The following CFH variants were observed in gnomAD, a reference collection of about 807,000 sequenced individuals.
CFH encodes complement factor H, also known as H factor 1 (complement).
CFH carries 53 observed loss-of-function variants against 147.3 expected under a neutral mutation model. The ratio of observed to expected loss-of-function variants is 0.36; its 90% confidence interval spans 0.29 to 0.45. The LOEUF (loss-of-function observed/expected upper bound fraction) is 0.45. CFH is among the 20% of genes least tolerant of loss of function. The probability of loss-of-function intolerance (pLI) is 1.00; values close to 1 mark genes in which losing one functional copy is unlikely to be tolerated. For missense variants in CFH, 1,380 were observed against 1,498.0 expected (o/e 0.92, Z 1.30); for synonymous variants, 536 against 489.4 (o/e 1.10, Z -1.26).
At chr1:196,727,073 T>G in intron 14 of CFH, 133 bp downstream of exon 14, 2 of 749,204 alleles carry the variant, frequency 2.7e-6, no homozygotes, top group Non-Finnish European at 4.7e-6. Flanking sequence ...AGACCAATCT[T>G]TTGCATATTG....
rs116521612 is a variant in CFH at position 196,686,225 on chromosome 1, C to G, written c.964+988C>G. ...ATGTGTGTGGGGACACAGAGCCAAA[C>G]CATATCAATTATCTACTCACACACT... On this transcript the variant is annotated intron_variant, in intron 7 of 21. Coordinates refer to ENST00000367429, the MANE Select transcript of CFH (RefSeq NM_000186.4). Among the ~76,000 whole-genome samples, 882 of 152,220 alleles carry G rather than the reference C, an allele frequency of 5.8e-3. 10 individuals carry two copies. The highest frequency in any genetic ancestry group is 0.02 in the African/African-American group (833 of 41,558).
rs1205777454 is a variant in CFH at position 196,737,519 on chromosome 1, A to G, written c.2641A>G (p.Ile881Val). 1.9e-6 allele frequency: 3 copies of G among 1,613,388 alleles called. No individual in the cohort carries two copies. Among genetic ancestry groups the G allele is most frequent in the South Asian group, 1.1e-5 (1 of 91,056 alleles). ...SQPPQIEHGT[I>V]NSSRSSQESY... ...ACCACCTCAGATAGAACACGGAACCATTAATTCATCCAGGTCTTCACAAGA... is the reference window on the plus strand; with the variant it reads ...ACCACCTCAGATAGAACACGGAACCGTTAATTCATCCAGGTCTTCACAAGA... Residue 881 changes from isoleucine to valine, a missense_variant, in exon 17 of 22, where the codon ATT becomes GTT. By Grantham distance (29) the Ile-to-Val change is conservative. Coordinates refer to ENST00000367429, the MANE Select transcript of CFH (RefSeq NM_000186.4).
chr1:196,737,254 G>T (rs1327711306), intron 16 of CFH, among the ~76,000 whole-genome samples: 1 of 152,124 alleles, frequency 6.6e-6, no homozygotes, highest in African/African-American at 2.4e-5. Flanking sequence ...TAATCCTTGT[G>T]ATGAACAAGA....
intron 3 of CFH, among the ~76,000 whole-genome samples, chr1:196,675,778 T>C (rs1410045290): frequency 6.6e-6 from 1 of 151,830 alleles, no homozygotes; most frequent in Non-Finnish European, 1.5e-5. Flanking sequence ...AGGAAGAAGA[T>C]TAATGTTCTA....
chr1:196,682,628 T>C (rs974192033), intron 6 of CFH, among the ~76,000 whole-genome samples: 1 of 151,388 alleles, frequency 6.6e-6, no homozygotes, highest in African/African-American at 2.4e-5. Context: ...AACTGAACTT[T>C]AATGGGTATA....
intron 9 of CFH, among the ~76,000 whole-genome samples, chr1:196,704,397 C>T (rs1424108091): frequency 6.6e-6 from 1 of 152,162 alleles, no homozygotes; most frequent in African/African-American, 2.4e-5. Flanking sequence ...CCACTGCTCC[C>T]GTCCTGTTAG....
chr1:196,677,841 T>G (rs2149080971), intron 5 of CFH, 174 bp downstream of exon 5: 1 of 627,462 alleles, frequency 1.6e-6, no homozygotes, highest in East Asian at 2.9e-5. Context: ...TCATTTTAAC[T>G]TTCAAAAAAC....
intron 9 of CFH, among the ~76,000 whole-genome samples, chr1:196,711,859 T>C (rs1668730436): frequency 1.3e-5 from 2 of 152,134 alleles, no homozygotes; most frequent in Admixed American, 1.3e-4. Context: ...AGTTTTGCTC[T>C]ACTCTCCAGA....
At chr1:196,700,425 G>A (rs1439091648) in intron 9 of CFH, among the ~76,000 whole-genome samples, 1 of 151,950 alleles carries the variant, frequency 6.6e-6, no homozygotes, top group Non-Finnish European at 1.5e-5. Flanking sequence ...AGGCAAAGGA[G>A]GGCAGATTAC....
At chr1:196,668,274 G>A (rs946567688) in intron 1 of CFH, among the ~76,000 whole-genome samples, 1 of 151,914 alleles carries the variant, frequency 6.6e-6, no homozygotes, top group African/African-American at 2.4e-5. Context: ...TTCTGCTTTT[G>A]TTTGCTTAAG....
intron 9 of CFH, among the ~76,000 whole-genome samples, chr1:196,707,411 C>T (rs761332401): frequency 1.4e-4 from 21 of 152,326 alleles, no homozygotes; most frequent in African/African-American, 2.6e-4. Flanking sequence ...CTACTATTCA[C>T]GAGTTTGTGG....
intron 9 of CFH, among the ~76,000 whole-genome samples, chr1:196,703,541 C>G (rs1668512546): frequency 6.6e-6 from 1 of 152,184 alleles, no homozygotes; most frequent in African/African-American, 2.4e-5. Context: ...TCTGGACTTT[C>G]TAGTAGACAT....
chr1:196,652,797 T>C (rs1381749197), intron 1 of CFH, among the ~76,000 whole-genome samples: 1 of 151,884 alleles, frequency 6.6e-6, no homozygotes, highest in African/African-American at 2.4e-5. Flanking sequence ...TAACATATAT[T>C]CTTGAAGAGC....
At chr1:196,653,464 T>A (rs1193616277) in intron 1 of CFH, among the ~76,000 whole-genome samples, 1 of 151,954 alleles carries the variant, frequency 6.6e-6, no homozygotes, top group Non-Finnish European at 1.5e-5. Flanking sequence ...TTTCTGTCTT[T>A]TCTTACTAAA....
At chr1:196,695,141 T>A (rs1668207625) in intron 9 of CFH, among the ~76,000 whole-genome samples, 2 of 152,240 alleles carry the variant, frequency 1.3e-5, no homozygotes, top group East Asian at 1.9e-4. Flanking sequence ...TGGTTTTAGG[T>A]CTTACATTTA....
chr1:196,715,089 A>T (rs1668836342), intron 10 of CFH, among the ~76,000 whole-genome samples: 1 of 151,996 alleles, frequency 6.6e-6, no homozygotes, highest in East Asian at 1.9e-4. Context: ...AGTCCTCATA[A>T]AAAAGCTAAT....
rs758810701 is a variant in CFH at position 196,673,053 on chromosome 1, G to A, written c.134G>A (p.Gly45Asp). Residue 45 changes from glycine (G) to aspartate (D), a missense_variant, in exon 2 of 22, where the codon GGC becomes GAC. Gly to Asp is a moderately conservative substitution (Grantham distance 94). Coordinates refer to ENST00000367429, the MANE Select transcript of CFH (RefSeq NM_000186.4). Reference sequence around the variant, plus strand: ...TGGTCTGACCAAACATATCCAGAAGGCACCCAGGCTATCTATAAATGCCGC... The same window carrying A: ...TGGTCTGACCAAACATATCCAGAAGACACCCAGGCTATCTATAAATGCCGC... ...GSWSDQTYPEGTQAIYKCRPG... is the reference protein window; with the variant it reads ...GSWSDQTYPEDTQAIYKCRPG... 3.1e-6 allele frequency: 5 copies of A among 1,613,960 alleles called. No homozygotes were observed. In the South Asian group the frequency reaches 5.5e-5, roughly 18 times the overall value.
chr1:196,681,731 C>T lies in CFH; in HGVS notation c.790+1938C>T, dbSNP rs536019808. ...TTATCCCAAATTAGTTAAGCATACA[C>T]TCTCTCACCACGTTTTATTTTATTG... On this transcript the variant is annotated intron_variant, in intron 6 of 21. Coordinates refer to ENST00000367429, the MANE Select transcript of CFH (RefSeq NM_000186.4). 5.9e-5 allele frequency among the ~76,000 whole-genome samples: 9 copies of T among 151,846 alleles called. No individual in the cohort carries two copies. The South Asian group carries it at 6.2e-4, about 10-fold the overall frequency.
At chr1:196,673,359 A>G in intron 2 of CFH, 196 bp downstream of exon 2, 1 of 585,140 alleles carries the variant, frequency 1.7e-6, no homozygotes, top group African/African-American at 1.9e-5. Flanking sequence ...CAATTTTGAG[A>G]TGGAGTCTCC....
Sources: allele counts gnomAD v4.1 joint callset (sites outside exome capture counted in the v4.1 genomes callset), GRCh38; gene constraint gnomAD v4.1.1; transcripts MANE v1.5; gene names NCBI Gene and HGNC (gene_info 2026-07-23, HGNC 2026-07-21).